UBE2T: variants seen among roughly 807,000 people sequenced by gnomAD.
UBE2T encodes ubiquitin conjugating enzyme E2 T, also known as ubiquitin-conjugating enzyme E2 T.
A neutral mutation model predicts 23.3 loss-of-function variants in UBE2T; 15 were observed. The ratio of observed to expected loss-of-function variants is 0.64; its 90% CI spans 0.43 to 0.99. The LOEUF (loss-of-function observed/expected upper bound fraction) is 0.99, where lower values mean the gene tolerates loss of function less well. Ranked by LOEUF, UBE2T falls within the 50% of genes least tolerant of loss-of-function variation. The pLI is 0.00. For synonymous variants in UBE2T, 67 were observed against 78.4 expected (o/e 0.85, Z 0.77); for missense variants, 197 against 234.9 (o/e 0.84, Z 1.05).
intron 1 of UBE2T, among the ~76,000 whole-genome samples, chr1:202,340,578 T>C (rs1244603834): frequency 6.6e-6 from 1 of 151,674 alleles, no homozygotes. Flanking sequence ...CTCTTAAATA[T>C]AAAGTATATG....
At chr1:202,338,480 C>CA (rs1654933467) in intron 1 of UBE2T, among the ~76,000 whole-genome samples, 1 of 152,142 alleles carries the variant, frequency 6.6e-6, no homozygotes, top group East Asian at 1.9e-4. Flanking sequence ...CTCAGCCTCT[C>CA]AAAGTGCTGG....
chr1:202,337,577 C>G (rs1654916117), intron 1 of UBE2T, among the ~76,000 whole-genome samples: 1 of 152,060 alleles, frequency 6.6e-6, no homozygotes, highest in Non-Finnish European at 1.5e-5. Context: ...TGAATCAGTC[C>G]ATCCTTTCCC....
chr1:202,341,753 G>A (rs1237137116), intron 1 of UBE2T, 142 bp downstream of exon 1: 1 of 152,138 alleles, frequency 6.6e-6, no homozygotes, highest in Non-Finnish European at 1.5e-5. Context: ...CCGCTCAACA[G>A]TGGCTTTTCT....
intron 1 of UBE2T, among the ~76,000 whole-genome samples, chr1:202,339,077 C>CTTTTTT: frequency 9.3e-6 from 1 of 107,848 alleles, no homozygotes; most frequent in Non-Finnish European, 1.8e-5. Context: ...GTATTGCCTC[C>CTTTTTT]TTTTTTTTTT....
Position 202,331,841 on chromosome 1 carries a change from A to G in UBE2T, c.588T>C (p.Asp196=), listed in dbSNP as rs1184414229. Residue 196 remains aspartate, a synonymous_variant, in exon 7 of 7, where the codon GAT becomes GAC. Coordinates refer to ENST00000646651, the MANE Select transcript of UBE2T (RefSeq NM_014176.4). ...LVGIEKKFHP[D]V ...ATGAACCAGGACAAGTCCCCTAAAC[A>G]TCAGGATGAAATTTCTTTTCTATGC... The G allele has an allele frequency of 6.2e-7, 1 of 1,614,096 alleles. No individual in the cohort carries two copies. The highest frequency in any genetic ancestry group is 8.5e-7 in the Non-Finnish European group (1 of 1,179,992).
intron 1 of UBE2T, among the ~76,000 whole-genome samples, chr1:202,336,966 C>T (rs142468390): frequency 7.9e-5 from 12 of 152,276 alleles, no homozygotes; most frequent in Middle Eastern, 3.4e-3. Flanking sequence ...GTTTTTTAGA[C>T]GGAGTCTCGG....
chr1:202,335,464 T>C lies in UBE2T; in HGVS notation c.109+182A>G. 1.6e-6 allele frequency: 1 copy of C among 620,046 alleles called. No individual in the cohort carries two copies. The highest frequency in any genetic ancestry group is 2.0e-5 in the South Asian group (1 of 49,496). 38.4% of individuals were successfully genotyped at this position (620,046 alleles called of 1,614,324 possible). ...AATCAGCATAAGGTATAATAAAAAG[T>C]CAAAGAAGCAAGAAATGTCAAGCAA... On this transcript the variant is annotated intron_variant, in intron 2 of 6. Coordinates refer to ENST00000646651, the MANE Select transcript of UBE2T (RefSeq NM_014176.4). This position sits in a 1 kb window ranked among gnomAD's most constrained non-coding sequence, Gnocchi z 4.0.
chr1:202,337,821 C>T (rs1044983683), intron 1 of UBE2T, among the ~76,000 whole-genome samples: 6 of 152,086 alleles, frequency 3.9e-5, no homozygotes, highest in African/African-American at 1.2e-4. Flanking sequence ...ATAGCTTATC[C>T]ACCTGGTCTT....
At position 202,334,356 on chromosome 1, in the gene UBE2T, C is replaced by T. The variant is rs940860144; in HGVS notation, c.179+633G>A. On this transcript the variant is annotated intron_variant, in intron 3 of 6. Coordinates refer to ENST00000646651, the MANE Select transcript of UBE2T (RefSeq NM_014176.4). Reference sequence around the variant, plus strand: ...GAACATATGGACACAAAGAGGGGAACGACAGACACTGGGGCCTACCTGAGG... The same window carrying T: ...GAACATATGGACACAAAGAGGGGAATGACAGACACTGGGGCCTACCTGAGG... Among the ~76,000 whole-genome samples, 75 of 152,066 alleles carry T rather than the reference C, an allele frequency of 4.9e-4. 1 individual carries two copies. Among genetic ancestry groups the T allele is most frequent in the Admixed American group, 4.6e-4 (7 of 15,258 alleles).
intron 6 of UBE2T, 124 bp from the exon 7 acceptor site, chr1:202,332,084 A>C: frequency 1.7e-6 from 2 of 1,204,246 alleles, no homozygotes; most frequent in Non-Finnish European, 2.2e-6. Context: ...AGTATTATGC[A>C]TACGATATTC....
intron 1 of UBE2T, among the ~76,000 whole-genome samples, chr1:202,338,228 T>A (rs541574239): frequency 4.2e-4 from 64 of 152,314 alleles, no homozygotes; most frequent in Non-Finnish European, 8.1e-4. Flanking sequence ...GATTTTTTTT[T>A]ATTTTTTTGA....
chr1:202,341,539 C>T (rs917140924), intron 1 of UBE2T, among the ~76,000 whole-genome samples: 55 of 130,236 alleles, frequency 4.2e-4, no homozygotes, highest in Admixed American at 1.6e-3. Context: ...GATCCCGCCA[C>T]TGCACTCCAG....
At position 202,335,559 on chromosome 1, in the gene UBE2T, A is replaced by C; in HGVS notation, c.109+87T>G. On this transcript the variant is annotated intron_variant, in intron 2 of 6. Transcript: ENST00000646651. The surrounding 1 kb of genome is among the most constrained non-coding windows in gnomAD (Gnocchi z 4.0). Reference sequence around the variant, plus strand: ...CACTCTGACCTTATAACTGCTCCTTACTTTAGAAGAATACACAAAATGTTT... The same window carrying C: ...CACTCTGACCTTATAACTGCTCCTTCCTTTAGAAGAATACACAAAATGTTT... 7.5e-7 allele frequency: 1 copy of C among 1,333,470 alleles called. No homozygotes were observed. Among genetic ancestry groups the C allele is most frequent in the Non-Finnish European group, 1.1e-6 (1 of 941,740 alleles). 82.6% of individuals were successfully genotyped at this position (1,333,470 alleles called of 1,614,324 possible). A position where few individuals can be genotyped will look rare whatever the true frequency, so the allele number is the denominator to read the frequency against.
rs1363158611 is a variant in UBE2T, at chr1:202,331,983, C to A, written c.469-23G>T. 5 of 1,613,220 alleles carry A rather than the reference C, an allele frequency of 3.1e-6. No individual in the cohort carries two copies. In the South Asian group the frequency reaches 5.5e-5, roughly 18 times the overall value. On this transcript the variant is annotated intron_variant, in intron 6 of 6. Coordinates refer to ENST00000646651, the MANE Select transcript of UBE2T (RefSeq NM_014176.4). ...AGCCTAAAGAGGAGACAGGGTGAAA[C>A]ACAGTAAGGTTCACACAAATGCCAG...
At chr1:202,332,955 A>G (rs1273509772) in intron 6 of UBE2T, 55 bp downstream of exon 6, 14 of 838,104 alleles carry the variant, frequency 1.7e-5, no homozygotes, top group Non-Finnish European at 2.2e-5. Context: ...ATTTATACAT[A>G]TATACTTTAT....
In UBE2T at chr1:202,333,509, G is replaced by A; in HGVS notation, c.226C>T (p.His76Tyr). The A allele has an allele frequency of 6.2e-7, 1 of 1,614,138 alleles. No individual in the cohort carries two copies. The highest frequency in any genetic ancestry group is 1.3e-5 in the African/African-American group (1 of 75,044). ...CTTCCAGCAGAATCAATGTTTGGAT[G>A]ATAAATTGGAGTGAGAAATCGGATC... ...PQIRFLTPIY[H>Y]PNIDSAGRIC... The change falls in exon 4 of 7, where the codon CAT becomes TAT. Residue 76 changes from histidine to tyrosine, a missense_variant. Transcript: ENST00000646651.
Position 202,335,851 on chromosome 1 carries a change from C to A in UBE2T, c.-64-33G>T. 9.2e-7 allele frequency: 1 copy of A among 1,088,776 alleles called. No individual in the cohort carries two copies. Among genetic ancestry groups the A allele is most frequent in the Non-Finnish European group, 1.4e-6 (1 of 728,096 alleles). 67.4% of individuals were successfully genotyped at this position (1,088,776 alleles called of 1,614,324 possible). A position where few individuals can be genotyped will look rare whatever the true frequency, so the allele number is the denominator to read the frequency against. On this transcript the variant is annotated intron_variant, in intron 1 of 6. Transcript: ENST00000646651. This position sits in a 1 kb window ranked among gnomAD's most constrained non-coding sequence, Gnocchi z 4.0. ...AGAAAAGAGGTGACCATAAAATCAT[C>A]AGCAATAATGACTATGAAGTTTTCA...
rs967151092 is a variant in UBE2T at position 202,333,887 on chromosome 1, T to C, written c.180-332A>G. Among the ~76,000 whole-genome samples, 4 of 152,140 alleles carry C rather than the reference T, an allele frequency of 2.6e-5. No individual in the cohort carries two copies. In the East Asian group the frequency reaches 7.7e-4, roughly 29 times the overall value. ...TTGAAAAATTTAAGAACTAATTCCC[T>C]AATATCATTTACTGTTCAGATTTCA... is the stretch of plus-strand genomic sequence containing the variant. On this transcript the variant is annotated intron_variant, in intron 3 of 6. Coordinates refer to ENST00000646651, the MANE Select transcript of UBE2T (RefSeq NM_014176.4).
Position 202,335,435 on chromosome 1 carries a change from T to G in UBE2T, c.109+211A>C. ...CTGCTTCACTGCTTTAAATCTTGGC[T>G]ATAAATCAGCATAAGGTATAATAAA... On this transcript the variant is annotated intron_variant, in intron 2 of 6. Transcript: ENST00000646651. This position sits in a 1 kb window ranked among gnomAD's most constrained non-coding sequence, Gnocchi z 4.0. The G allele has an allele frequency of 1.7e-6, 1 of 579,552 alleles. No individual in the cohort carries two copies. Among genetic ancestry groups the G allele is most frequent in the South Asian group, 2.2e-5 (1 of 45,988 alleles). The allele number at this position is 579,552 out of a possible 1,614,324, so 35.9% of individuals were successfully genotyped here. A position where few individuals can be genotyped will look rare whatever the true frequency, so the allele number is the denominator to read the frequency against.
Sources: allele counts gnomAD v4.1 joint callset (sites outside exome capture counted in the v4.1 genomes callset), GRCh38; gene constraint gnomAD v4.1.1; non-coding constraint Gnocchi (gnomAD v3.1); transcripts MANE v1.5; gene names NCBI Gene and HGNC (gene_info 2026-07-23, HGNC 2026-07-21).